The following MLIP variants were observed in gnomAD, a reference collection of about 807,000 sequenced individuals.
The protein encoded by MLIP is muscular LMNA interacting protein.
In MLIP, 79 loss-of-function variants were observed where a neutral mutation model predicts 84.8. The observed-to-expected ratio is 0.93, with a 90% confidence interval of 0.78 to 1.12. MLIP has a LOEUF of 1.12. Among genes scored for constraint, MLIP ranks in the 50% most tolerant of loss-of-function variants. MLIP has a pLI of 0.00. For synonymous variants in MLIP, 504 were observed against 463.0 expected (o/e 1.09, Z -1.14); for missense variants, 1,257 against 1,160.6 (o/e 1.08, Z -1.21).
chr6:54,058,897 G>T (rs1277508081), intron 1 of MLIP: 1 of 152,144 alleles, frequency 6.6e-6, no homozygotes, highest in East Asian at 1.9e-4. Context: ...GAAGGTAAGA[G>T]AAAGATATGT....
At chr6:54,195,644 A>T (rs897775535) in intron 10 of MLIP, among the ~76,000 whole-genome samples, 3 of 152,074 alleles carry the variant, frequency 2.0e-5, no homozygotes, top group African/African-American at 7.2e-5. Context: ...ATGAGTGTAT[A>T]CCTGATAGAT....
chr6:54,044,963 T>A (rs998328555), intron 1 of MLIP, among the ~76,000 whole-genome samples: 1 of 152,200 alleles, frequency 6.6e-6, no homozygotes, highest in Non-Finnish European at 1.5e-5. Flanking sequence ...AATTCTAGAT[T>A]TTTATTTAAA....
At chr6:54,093,542 A>G (rs1328459960) in intron 1 of MLIP, among the ~76,000 whole-genome samples, 1 of 152,178 alleles carries the variant, frequency 6.6e-6, no homozygotes, top group Non-Finnish European at 1.5e-5. Context: ...TCTAAGGTCA[A>G]AAAGCTCATT....
intron 9 of MLIP, among the ~76,000 whole-genome samples, chr6:54,182,182 C>T (rs1370324905): frequency 6.6e-6 from 1 of 152,184 alleles, no homozygotes. Flanking sequence ...AGAGAGTCAA[C>T]TTCCAGCTGC....
In MLIP at chr6:54,160,497, C is replaced by G; in HGVS notation, c.2356-19C>G. On this transcript the variant is annotated intron_variant, in intron 6 of 13. Transcript: ENST00000502396. ...CCAAAACTTATTGCTAACCCAGTAC[C>G]TGGTTTCAATTCTTCCAGCTCTATT... 2 of 1,611,790 alleles carry G rather than the reference C, an allele frequency of 1.2e-6. No homozygotes were observed. The highest frequency in any genetic ancestry group is 1.7e-6 in the Non-Finnish European group (2 of 1,178,666).
intron 1 of MLIP, among the ~76,000 whole-genome samples, chr6:54,021,025 AT>A (rs1380002418): frequency 6.6e-6 from 1 of 152,186 alleles, no homozygotes. Flanking sequence ...AGTATTTTCT[AT>A]TTAAGAGAGT....
Position 54,196,018 on chromosome 6 carries a change from G to A in MLIP, c.2590-6087G>A, listed in dbSNP as rs529369424. 3.5e-3 allele frequency among the ~76,000 whole-genome samples: 534 copies of A among 152,088 alleles called. 4 individuals are homozygous for A. Among genetic ancestry groups the A allele is most frequent in the African/African-American group, 0.012 (479 of 41,506 alleles). ...TTTGGCTTTCTACTCTTTCTTCTGA[G>A]GGTGAAACTCACCAACCCACTTTCC... is the stretch of plus-strand genomic sequence containing the variant. On this transcript the variant is annotated intron_variant, in intron 10 of 13. Transcript: ENST00000502396.
intron 12 of MLIP, among the ~76,000 whole-genome samples, chr6:54,239,037 T>A (rs1781547554): frequency 6.6e-6 from 1 of 152,174 alleles, no homozygotes. Flanking sequence ...AATCCTATTG[T>A]AAGTTTTTAT....
At chr6:54,196,103 C>A (rs1049318670) in intron 10 of MLIP, among the ~76,000 whole-genome samples, 1 of 151,998 alleles carries the variant, frequency 6.6e-6, no homozygotes, top group African/African-American at 2.4e-5. Context: ...AAAGTTCCCT[C>A]TTTGTGAATT....
chr6:54,263,444 A>G (rs1582663569), intron 13 of MLIP, among the ~76,000 whole-genome samples: 1 of 152,124 alleles, frequency 6.6e-6, no homozygotes, highest in East Asian at 1.9e-4. Context: ...TCAGGAAAAA[A>G]AAAGAACATG....
intron 1 of MLIP, chr6:54,083,704 G>T (rs2150360882): frequency 7.0e-7 from 1 of 1,430,094 alleles, no homozygotes; most frequent in South Asian, 1.2e-5. Flanking sequence ...TACTGTCTTT[G>T]TATTTCTTAT....
chr6:54,084,273 T>C lies in MLIP; in HGVS notation c.64-37174T>C, dbSNP rs889377641. Among the ~76,000 whole-genome samples the C allele has an allele frequency of 2.6e-5, 4 of 152,186 alleles. No homozygotes were observed. The South Asian group carries it at 8.3e-4, about 31-fold the overall frequency. ...ACATGTGAAGGTTCATTACTTATTT[T>C]TTTTCCAGTAGTGTCCCTGGAAACT... On this transcript the variant is annotated intron_variant, in intron 1 of 12. Coordinates refer to the MLIP transcript ENST00000274897.
chr6:54,153,259 TAAAAAG>T (rs1008806095), intron 5 of MLIP, among the ~76,000 whole-genome samples: 4 of 152,126 alleles, frequency 2.6e-5, no homozygotes, highest in African/African-American at 9.6e-5. Context: ...AACGACGGCA[TAAAAAG>T]AAAAAGGCAA....
intron 12 of MLIP, among the ~76,000 whole-genome samples, chr6:54,249,526 T>G (rs1176592219): frequency 6.6e-6 from 1 of 151,952 alleles, no homozygotes; most frequent in Non-Finnish European, 1.5e-5. Context: ...CCACATAGCA[T>G]GTATTATCCA....
intron 10 of MLIP, among the ~76,000 whole-genome samples, chr6:54,195,020 A>G (rs939575717): frequency 3.9e-5 from 6 of 152,100 alleles, no homozygotes; most frequent in African/African-American, 1.4e-4. Flanking sequence ...TGAGTAAATC[A>G]GGTAAATAAT....
chr6:54,202,115 G>A lies in MLIP; in HGVS notation c.2600G>A (p.Gly867Glu), dbSNP rs1210933902. The A allele has an allele frequency of 3.2e-6, 5 of 1,583,708 alleles. No homozygotes were observed. The highest frequency in any genetic ancestry group is 4.3e-6 in the Non-Finnish European group (5 of 1,163,582). ...TTTACATTCATGAAGACTAAGCCTGGAGTAATTCGCCCAGTACCTGTAAAA... is the reference window on the plus strand; with the variant it reads ...TTTACATTCATGAAGACTAAGCCTGAAGTAATTCGCCCAGTACCTGTAAAA... ...TVSESQLTKPGVIRPVPVKSR... is the reference protein window; with the variant it reads ...TVSESQLTKPEVIRPVPVKSR... The change falls in exon 11 of 14, where the codon GGA becomes GAA. Residue 867 changes from glycine to glutamate, a missense_variant. Coordinates refer to ENST00000502396, the MANE Select transcript of MLIP (RefSeq NM_001281747.2).
chr6:54,226,738 G>A (rs1780601898), intron 11 of MLIP, among the ~76,000 whole-genome samples: 4 of 152,058 alleles, frequency 2.6e-5, no homozygotes, highest in Admixed American at 2.6e-4. Context: ...ATAAGATAGT[G>A]CCTCTATAAA....
At chr6:54,048,058 A>G (rs1765168851) in intron 1 of MLIP, among the ~76,000 whole-genome samples, 1 of 152,196 alleles carries the variant, frequency 6.6e-6, no homozygotes, top group Non-Finnish European at 1.5e-5. Context: ...TTAGCCCTGT[A>G]GTAAAGAAGA....
chr6:54,265,212 T>C (rs1039367879), intron 13 of MLIP, among the ~76,000 whole-genome samples: 11 of 152,146 alleles, frequency 7.2e-5, no homozygotes, highest in African/African-American at 2.4e-4. Context: ...AGACATGTCT[T>C]AGAACTATAT....
Sources: allele counts gnomAD v4.1 joint callset (sites outside exome capture counted in the v4.1 genomes callset), GRCh38; gene constraint gnomAD v4.1.1; transcripts MANE v1.5; gene names NCBI Gene and HGNC (gene_info 2026-07-23, HGNC 2026-07-21).